ZNF582: variants seen among roughly 807,000 people sequenced by gnomAD.
ZNF582 encodes the protein zinc finger protein 582.
Under a neutral mutation model 12.3 loss-of-function variants are expected in ZNF582, and 14 were observed. The ratio of observed to expected loss-of-function variants is 1.14; its 90% CI spans 0.75 to 1.78. ZNF582 has a LOEUF of 1.78. Among genes scored for constraint, ZNF582 ranks in the 40% most tolerant of loss-of-function variants. The pLI, the probability that ZNF582 is intolerant of heterozygous loss-of-function variation, is 0.00. For missense variants in ZNF582, 567 were observed against 616.5 expected (o/e 0.92, Z 0.85); for synonymous variants, 210 against 207.2 (o/e 1.01, Z -0.11).
chr19:56,383,780 C>G, exon 5 of ZNF582: 1 of 1,442,082 alleles, frequency 6.9e-7, no homozygotes, highest in South Asian at 1.5e-5. Context: ...AAAGGCTTAC[C>G]TCTGAATGAA....
chr19:56,384,952 A>G (rs376733234), exon 5 of ZNF582: 20 of 1,614,044 alleles, frequency 1.2e-5, no homozygotes, highest in Admixed American at 5.0e-5. Flanking sequence ...TAAGGGATGC[A>G]TGCTGGTCAA....
At chr19:56,392,916 T>C (rs976478546) in intron 1 of ZNF582, among the ~76,000 whole-genome samples, 2 of 152,104 alleles carry the variant, frequency 1.3e-5, no homozygotes, top group African/African-American at 4.8e-5. Context: ...TAGGCAGCTT[T>C]TCCTTATTAT....
chr19:56,384,767 T>G (rs2041950284), exon 5 of ZNF582: 2 of 1,600,754 alleles, frequency 1.2e-6, no homozygotes, highest in East Asian at 2.2e-5. Flanking sequence ...AATATTCTCA[T>G]GTTGAATTAG....
intron 3 of ZNF582, 52 bp downstream of exon 3, chr19:56,390,323 G>A (rs370450859): frequency 1.0e-4 from 162 of 1,611,678 alleles, no homozygotes; most frequent in Non-Finnish European, 1.3e-4. Context: ...AACTGACCAG[G>A]AAGGAACATG....
intron 4 of ZNF582, among the ~76,000 whole-genome samples, chr19:56,388,913 G>C (rs761705038): frequency 1.3e-5 from 2 of 152,098 alleles, no homozygotes; most frequent in African/African-American, 4.8e-5. Context: ...CACCATGCCC[G>C]GCCCCTAGTG....
intron 1 of ZNF582, among the ~76,000 whole-genome samples, chr19:56,392,350 G>A (rs1244084317): frequency 1.3e-5 from 2 of 152,194 alleles, no homozygotes; most frequent in African/African-American, 4.8e-5. Flanking sequence ...CCACTTCATG[G>A]AGCATGCCTT....
exon 5 of ZNF582, chr19:56,383,141 A>T (rs1232583570): frequency 6.6e-6 from 1 of 152,224 alleles, no homozygotes. Flanking sequence ...TAACAAGGGG[A>T]ATTGGGTATG....
rs1373630520 is a variant in ZNF582, at chr19:56,384,620, C to T, written c.797G>A (p.Arg266Gln). The T allele has an allele frequency of 3.7e-6, 6 of 1,613,728 alleles. No individual in the cohort carries two copies. In the Admixed American group the frequency reaches 5.0e-5, roughly 13 times the overall value. Residue 266 changes from arginine to glutamine, a missense_variant, in exon 5 of 5, where the codon CGA becomes CAA. Physicochemically the swap from Arg to Gln is conservative, Grantham distance 43. Transcript: ENST00000586929. ...CTGATGTTCAATCAACTGTGAGCTTCGACTAAAGGCCTTCTCACAATCTTT... is the reference window on the plus strand; with the variant it reads ...CTGATGTTCAATCAACTGTGAGCTTTGACTAAAGGCCTTCTCACAATCTTT...
intron 1 of ZNF582, among the ~76,000 whole-genome samples, chr19:56,392,286 C>T (rs936123282): frequency 6.6e-6 from 1 of 152,238 alleles, no homozygotes; most frequent in East Asian, 1.9e-4. Context: ...GGCTCTTTTC[C>T]CAACCGCCAA....
exon 5 of ZNF582, chr19:56,383,893 A>T: frequency 6.3e-7 from 1 of 1,594,112 alleles, no homozygotes; most frequent in Non-Finnish European, 8.5e-7. Context: ...CATTACTTCC[A>T]TTCATATGGT....
chr19:56,391,814 G>A (rs569425564), exon 2 of ZNF582: 18 of 1,614,050 alleles, frequency 1.1e-5, no homozygotes, highest in Non-Finnish European at 1.5e-5. Flanking sequence ...GGGAAGGGCA[G>A]AGTCCTGCGA....
chr19:56,388,899 G>A (rs1165753334), intron 4 of ZNF582, among the ~76,000 whole-genome samples: 1 of 152,158 alleles, frequency 6.6e-6, no homozygotes, highest in Non-Finnish European at 1.5e-5. Context: ...TTATAAGCAT[G>A]AGCCACCATG....
In ZNF582 at chr19:56,385,185, C is replaced by T; in HGVS notation, c.233-1G>A. On this transcript the variant is annotated splice_acceptor_variant, in intron 4 of 4. Coordinates refer to ENST00000586929, the Ensembl canonical transcript of ZNF582. LOFTEE classifies it high-confidence loss of function. ...TTGGTATCATATCTGGACTCCAATA[C>T]TAAGAATGAAAAAAAGCGAATATGT... 6.4e-7 allele frequency: 1 copy of T among 1,562,318 alleles called. No homozygotes were observed.
At chr19:56,389,414 C>T (rs2041997064) in intron 4 of ZNF582, among the ~76,000 whole-genome samples, 1 of 152,098 alleles carries the variant, frequency 6.6e-6, no homozygotes, top group Non-Finnish European at 1.5e-5. Flanking sequence ...CCTAAGCAAA[C>T]TAACACAGGA....
At chr19:56,389,889 C>G in intron 4 of ZNF582, 112 bp downstream of exon 4, 1 of 763,266 alleles carries the variant, frequency 1.3e-6, no homozygotes, top group Non-Finnish European at 2.2e-6. Context: ...ACACGTAAGA[C>G]ATAAGCTTTG....
Position 56,391,733 on chromosome 19 carries a change from T to C in ZNF582, c.9+11A>G. On this transcript the variant is annotated intron_variant, in intron 2 of 4. Transcript: ENST00000586929. ...AAGGAAAGCAAATATTTATGGGATTTAAAAACTCACAAGGGACATGACTTT... is the reference window on the plus strand; with the variant it reads ...AAGGAAAGCAAATATTTATGGGATTCAAAAACTCACAAGGGACATGACTTT... 6.2e-7 allele frequency: 1 copy of C among 1,612,282 alleles called. No homozygotes were observed. Among genetic ancestry groups the C allele is most frequent in the Non-Finnish European group, 8.5e-7 (1 of 1,178,344 alleles).
chr19:56,391,783 C>G (rs200535169), exon 2 of ZNF582: 36 of 1,614,096 alleles, frequency 2.2e-5, no homozygotes, highest in Non-Finnish European at 3.1e-5. Flanking sequence ...CTGATAGGTC[C>G]TCCTTCTGGT....
At chr19:56,385,608 T>C (rs1043363903) in intron 4 of ZNF582, among the ~76,000 whole-genome samples, 4 of 151,390 alleles carry the variant, frequency 2.6e-5, no homozygotes, top group African/African-American at 9.7e-5. Flanking sequence ...GCCCAGGAGT[T>C]AGAGGCTGTA....
intron 4 of ZNF582, 88 bp from the exon 5 acceptor site, chr19:56,385,272 T>C: frequency 1.5e-6 from 2 of 1,341,160 alleles, no homozygotes; most frequent in Non-Finnish European, 2.0e-6. Context: ...TTAGACTCAA[T>C]GCCTATTAAC....
Sources: allele counts gnomAD v4.1 joint callset (sites outside exome capture counted in the v4.1 genomes callset), GRCh38; gene constraint gnomAD v4.1.1; transcripts MANE v1.5; gene names NCBI Gene and HGNC (gene_info 2026-07-23, HGNC 2026-07-21).